SUCLG2: variants seen among roughly 807,000 people sequenced by gnomAD.
SUCLG2 encodes succinate-CoA ligase GDP-forming subunit beta, also known as succinate--CoA ligase [GDP-forming] subunit beta, mitochondrial.
SUCLG2 carries 42 observed loss-of-function variants against 47.9 expected under a neutral mutation model. That is an observed-to-expected ratio of 0.88 (90% confidence interval 0.69 to 1.14). The LOEUF (loss-of-function observed/expected upper bound fraction) is 1.14. Ranked by LOEUF, SUCLG2 falls within the 50% of genes most tolerant of loss-of-function variation. The probability of loss-of-function intolerance (pLI) is 0.00; values close to 1 mark genes in which losing one functional copy is unlikely to be tolerated. For synonymous variants in SUCLG2, 195 were observed against 197.3 expected (o/e 0.99, Z 0.10); for missense variants, 571 against 525.9 (o/e 1.09, Z -0.84).
intron 9 of SUCLG2, among the ~76,000 whole-genome samples, chr3:67,464,181 A>C (rs1006248534): frequency 6.6e-6 from 1 of 152,198 alleles, no homozygotes; most frequent in Non-Finnish European, 1.5e-5. Flanking sequence ...CATCAATCTC[A>C]GAAGTTCCCA....
At chr3:67,452,249 T>A (rs184790108) in intron 9 of SUCLG2, among the ~76,000 whole-genome samples, 26 of 152,350 alleles carry the variant, frequency 1.7e-4, no homozygotes, top group African/African-American at 6.3e-4. Context: ...CCCTTTATAT[T>A]AACTTGGGGA....
intron 9 of SUCLG2, among the ~76,000 whole-genome samples, chr3:67,455,894 G>C (rs1055246084): frequency 1.3e-5 from 2 of 152,128 alleles, no homozygotes; most frequent in Non-Finnish European, 2.9e-5. Context: ...GATATGTGGG[G>C]TAAGGGGCAC....
chr3:67,410,308 G>T (rs930899067), intron 9 of SUCLG2, among the ~76,000 whole-genome samples: 1 of 152,200 alleles, frequency 6.6e-6, no homozygotes, highest in Non-Finnish European at 1.5e-5. Flanking sequence ...GCCAAGGGTG[G>T]CATATAAATG....
chr3:67,636,487 G>A (rs1437620414), intron 1 of SUCLG2, among the ~76,000 whole-genome samples: 2 of 151,914 alleles, frequency 1.3e-5, no homozygotes, highest in Non-Finnish European at 2.9e-5. Flanking sequence ...CGAGTAGCTG[G>A]GACTACAGGC....
intron 2 of SUCLG2, among the ~76,000 whole-genome samples, chr3:67,579,239 T>C (rs778753036): frequency 6.6e-6 from 1 of 152,182 alleles, no homozygotes; most frequent in Non-Finnish European, 1.5e-5. Context: ...TATTCACAAT[T>C]TATAAATCAT....
intron 2 of SUCLG2, among the ~76,000 whole-genome samples, chr3:67,601,654 G>A (rs1708420224): frequency 6.6e-6 from 1 of 152,066 alleles, no homozygotes; most frequent in African/African-American, 2.4e-5. Flanking sequence ...TAACTTCTTT[G>A]CCCATTCTCA....
At chr3:67,480,487 G>C (rs1349543809) in intron 9 of SUCLG2, among the ~76,000 whole-genome samples, 2 of 152,194 alleles carry the variant, frequency 1.3e-5, no homozygotes, top group South Asian at 4.1e-4. Flanking sequence ...GAAAACCATG[G>C]AGTCATGGAA....
intron 2 of SUCLG2, among the ~76,000 whole-genome samples, chr3:67,567,892 T>C (rs1036678903): frequency 2.0e-5 from 3 of 152,210 alleles, no homozygotes; most frequent in African/African-American, 7.2e-5. Context: ...AATTCAATTG[T>C]ACTTGACTCT....
At chr3:67,556,598 C>A (rs984753779) in intron 2 of SUCLG2, among the ~76,000 whole-genome samples, 1 of 152,060 alleles carries the variant, frequency 6.6e-6, no homozygotes, top group Non-Finnish European at 1.5e-5. Context: ...GGTCAAGCCA[C>A]AAAACATCCT....
intron 1 of SUCLG2, among the ~76,000 whole-genome samples, chr3:67,617,542 G>T (rs1559598851): frequency 6.6e-6 from 1 of 152,114 alleles, no homozygotes; most frequent in Non-Finnish European, 1.5e-5. Context: ...CGTCACTTTT[G>T]TTTAGCACTG....
chr3:67,363,022 C>T (rs544794516), intron 10 of SUCLG2, among the ~76,000 whole-genome samples: 1 of 152,308 alleles, frequency 6.6e-6, no homozygotes, highest in African/African-American at 2.4e-5. Flanking sequence ...CCTCATCTTG[C>T]TTTATGTTTC....
chr3:67,532,566 T>G (rs1575759536), intron 2 of SUCLG2, among the ~76,000 whole-genome samples: 1 of 152,200 alleles, frequency 6.6e-6, no homozygotes, highest in East Asian at 1.9e-4. Context: ...GTATGCAACG[T>G]CTTCACTAAA....
intron 7 of SUCLG2, among the ~76,000 whole-genome samples, chr3:67,504,815 T>C (rs1432721779): frequency 6.6e-6 from 1 of 152,132 alleles, no homozygotes; most frequent in Admixed American, 6.5e-5. Flanking sequence ...AATTTCACAG[T>C]GGCTAGCAAA....
At chr3:67,554,702 A>G (rs554110817) in intron 2 of SUCLG2, among the ~76,000 whole-genome samples, 74 of 152,302 alleles carry the variant, frequency 4.9e-4, no homozygotes, top group African/African-American at 1.7e-3. Flanking sequence ...GGTGAGTTAT[A>G]GGGCTGGAGT....
chr3:67,529,246 C>A, intron 2 of SUCLG2, 60 bp from the exon 3 acceptor site: 1 of 1,383,134 alleles, frequency 7.2e-7, no homozygotes, highest in South Asian at 1.3e-5. Context: ...GTTTTTTAAG[C>A]AATAAGGAAA....
chr3:67,440,046 G>A (rs1703719539), intron 9 of SUCLG2, among the ~76,000 whole-genome samples: 1 of 152,130 alleles, frequency 6.6e-6, no homozygotes, highest in Non-Finnish European at 1.5e-5. Context: ...TAGACCGATG[G>A]AATAGAACAA....
At chr3:67,392,616 C>G (rs746082026) in intron 10 of SUCLG2, among the ~76,000 whole-genome samples, 3 of 152,118 alleles carry the variant, frequency 2.0e-5, no homozygotes, top group Admixed American at 6.5e-5. Flanking sequence ...TTAGAGAAAA[C>G]GTCCTAATAC....
intron 2 of SUCLG2, among the ~76,000 whole-genome samples, chr3:67,565,843 T>A (rs1162918977): frequency 6.6e-6 from 1 of 152,220 alleles, no homozygotes; most frequent in Non-Finnish European, 1.5e-5. Flanking sequence ...AATTGAACAC[T>A]ACACGGCAGC....
rs149231193 is a variant in SUCLG2 at position 67,638,222 on chromosome 3, T to C, written c.84+16281A>G. ...TCTTGTGTAAAATGAAGATAAATGA[T>C]AGATAATGATAATGATAGTACCTAT... is the stretch of plus-strand genomic sequence containing the variant. On this transcript the variant is annotated intron_variant, in intron 1 of 10. Coordinates refer to ENST00000307227, the MANE Select transcript of SUCLG2 (RefSeq NM_003848.4). Among the ~76,000 whole-genome samples, 807 of 152,282 alleles carry C rather than the reference T, an allele frequency of 5.3e-3. 5 individuals are homozygous for C. Among genetic ancestry groups the C allele is most frequent in the African/African-American group, 0.017 (726 of 41,544 alleles).
Sources: gnomAD v4.1 joint callset for allele counts (sites outside exome capture counted in the v4.1 genomes callset) on GRCh38, gnomAD v4.1.1 for gene constraint, MANE v1.5 for transcripts, NCBI Gene and HGNC (gene_info 2026-07-23, HGNC 2026-07-21) for gene names.